The following JAK1 variants were observed in gnomAD, a reference collection of about 807,000 sequenced individuals.
JAK1 encodes tyrosine-protein kinase JAK1.
Under a neutral mutation model 136.6 loss-of-function variants are expected in JAK1, and 16 were observed. That is an observed-to-expected ratio of 0.12 (90% CI 0.08 to 0.18). JAK1 has a LOEUF of 0.18. Among genes scored for constraint, JAK1 ranks in the 10% least tolerant of loss-of-function variants. The pLI, the probability that JAK1 is intolerant of heterozygous loss-of-function variation, is 1.00. For synonymous variants in JAK1, 492 were observed against 519.5 expected (o/e 0.95, Z 0.72); for missense variants, 859 against 1,450.1 (o/e 0.59, Z 6.62).
intron 11 of JAK1, among the ~76,000 whole-genome samples, chr1:64,852,322 C>T (rs2101036682): frequency 6.6e-6 from 1 of 152,288 alleles, no homozygotes; most frequent in South Asian, 2.1e-4. Context: ...GTCAGAGATG[C>T]TCTCGTCTCT....
chr1:64,891,236 C>G (rs974525492), intron 1 of JAK1, among the ~76,000 whole-genome samples: 1 of 152,124 alleles, frequency 6.6e-6, no homozygotes, highest in African/African-American at 2.4e-5. Context: ...AGAGGTTTTA[C>G]GCTAATCAGC....
intron 1 of JAK1, among the ~76,000 whole-genome samples, chr1:64,951,760 G>A (rs1244187399): frequency 7.3e-6 from 1 of 136,508 alleles, no homozygotes; most frequent in African/African-American, 2.7e-5. Context: ...CCGGGTTCAC[G>A]CCATTCTCCT....
At chr1:64,878,221 T>G (rs1355293402) in intron 4 of JAK1, among the ~76,000 whole-genome samples, 2 of 152,212 alleles carry the variant, frequency 1.3e-5, no homozygotes, top group Non-Finnish European at 2.9e-5. Flanking sequence ...CACATTAACT[T>G]CTGCTTAGCA....
At chr1:64,850,031 A>C (rs1400594236) in intron 12 of JAK1, among the ~76,000 whole-genome samples, 1 of 152,192 alleles carries the variant, frequency 6.6e-6, no homozygotes, top group Non-Finnish European at 1.5e-5. Context: ...AGGCTCCTTC[A>C]CAGCAGGCAG....
At chr1:64,871,196 G>A (rs182160136) in intron 5 of JAK1, among the ~76,000 whole-genome samples, 1 of 152,086 alleles carries the variant, frequency 6.6e-6, no homozygotes, top group Non-Finnish European at 1.5e-5. Flanking sequence ...TGTCTCTATG[G>A]CAGTTCTAAG....
At chr1:64,851,672 T>C (rs1402137038) in intron 11 of JAK1, among the ~76,000 whole-genome samples, 1 of 152,126 alleles carries the variant, frequency 6.6e-6, no homozygotes, top group Non-Finnish European at 1.5e-5. Context: ...TCCATAGAAA[T>C]CACCTTTCCC....
At position 64,891,499 on chromosome 1, in the gene JAK1, T is replaced by C. The variant is rs1186539201; in HGVS notation, c.-77-5158A>G. ...CCTTCCCTGTGTTCCTGCCCACTAC[T>C]AATGCTCTGCCCTGGCACCACTGCC... is the stretch of plus-strand genomic sequence containing the variant. On this transcript the variant is annotated intron_variant, in intron 1 of 24. Transcript: ENST00000342505. Among the ~76,000 whole-genome samples the C allele has an allele frequency of 2.0e-5, 3 of 152,186 alleles. No homozygotes were observed. In the East Asian group the frequency reaches 5.8e-4, roughly 29 times the overall value.
intron 8 of JAK1, 48 bp downstream of exon 8, chr1:64,864,739 C>T: frequency 7.3e-7 from 1 of 1,375,408 alleles, no homozygotes; most frequent in Non-Finnish European, 1.0e-6. Flanking sequence ...CAGCAATTCT[C>T]CCTCTCATCA....
chr1:64,988,477 C>A (rs1409009602), intron 2 of JAK1, among the ~76,000 whole-genome samples: 1 of 151,926 alleles, frequency 6.6e-6, no homozygotes, highest in African/African-American at 2.4e-5. Context: ...AAGCTCCTGT[C>A]CCCCCCATAG....
intron 1 of JAK1, among the ~76,000 whole-genome samples, chr1:64,960,929 C>T (rs1415819414): frequency 6.6e-6 from 1 of 152,164 alleles, no homozygotes; most frequent in African/African-American, 2.4e-5. Flanking sequence ...CCTCAAATTG[C>T]TAGCTTGTTG....
upstream of JAK1, among the ~76,000 whole-genome samples, chr1:64,967,201 T>A (rs989928957): frequency 6.6e-6 from 1 of 152,356 alleles, no homozygotes; most frequent in South Asian, 2.1e-4. Flanking sequence ...ATTAAGTCTT[T>A]AGTGTCTTAA....
chr1:64,971,643 C>CT (rs1406181315), intron 2 of JAK1, among the ~76,000 whole-genome samples: 2 of 151,962 alleles, frequency 1.3e-5, no homozygotes, highest in African/African-American at 4.8e-5. Flanking sequence ...ACTGCAAACT[C>CT]TGCCTCCCGA....
At chr1:65,066,316 A>G (rs369546924) in intron 1 of JAK1, among the ~76,000 whole-genome samples, 5 of 152,310 alleles carry the variant, frequency 3.3e-5, no homozygotes, top group African/African-American at 1.2e-4. Flanking sequence ...GGACCAGCAC[A>G]AATTACAGCA....
Position 64,860,826 on chromosome 1 carries a change from C to CTGTGTGTGTGTGTGTGTGTG in JAK1, c.1177-584_1177-565dup, listed in dbSNP as rs72032330. On this transcript the variant is annotated intron_variant, in intron 8 of 24. Coordinates refer to ENST00000342505, the MANE Select transcript of JAK1 (RefSeq NM_002227.4). ...TATTATCTCAAACTATCAGATGACT[C>CTGTGTGTGTGTGTGTGTGTG]TGTGTGTGTGTGTGTGTGTGTGTGT... 6.7e-4 allele frequency among the ~76,000 whole-genome samples: 81 copies of CTGTGTGTGTGTGTGTGTGTG among 120,598 alleles called. 3 individuals are homozygous for CTGTGTGTGTGTGTGTGTGTG. Among genetic ancestry groups the CTGTGTGTGTGTGTGTGTGTG allele is most frequent in the Middle Eastern group, 4.1e-3 (1 of 242 alleles). 79.1% of individuals were successfully genotyped at this position (120,598 alleles called of 152,430 possible).
intron 1 of JAK1, among the ~76,000 whole-genome samples, chr1:64,950,949 G>A (rs1458993411): frequency 1.3e-5 from 2 of 152,118 alleles, no homozygotes; most frequent in African/African-American, 4.8e-5. Flanking sequence ...TCAGAAGGAG[G>A]TATTCTCAGG....
In JAK1 at chr1:64,845,582, T is replaced by C. The variant is rs761472948; in HGVS notation, c.2046A>G (p.Lys682=). ...TCCATGGTGTGGTAAGGACATCGCT[T>C]TTCCGGTGCATGAAGAGATCCAGAG... The part of the protein sequence containing the change: ...GGPLDLFMHR[K]SDVLTTPWKF... The change falls in exon 15 of 25, where the codon AAA becomes AAG. Residue 682 remains lysine (K), a synonymous_variant. Coordinates refer to ENST00000342505, the MANE Select transcript of JAK1 (RefSeq NM_002227.4). 6.2e-7 allele frequency: 1 copy of C among 1,614,146 alleles called. No homozygotes were observed. The highest frequency in any genetic ancestry group is 8.5e-7 in the Non-Finnish European group (1 of 1,180,030).
Position 65,032,320 on chromosome 1 carries a change from G to A in JAK1, c.-78+12160C>T, listed in dbSNP as rs868261250. Among the ~76,000 whole-genome samples, 16 of 152,252 alleles carry A rather than the reference G, an allele frequency of 1.1e-4. No homozygotes were observed. In the South Asian group the frequency reaches 1.9e-3, roughly 18 times the overall value. Reference sequence around the variant, plus strand: ...TTGCAAATCAAGATAAGAAACTCAGGAGAGTTCCAGAATGCACAGTGCTAA... The same window carrying A: ...TTGCAAATCAAGATAAGAAACTCAGAAGAGTTCCAGAATGCACAGTGCTAA... On this transcript the variant is annotated intron_variant, in intron 2 of 25. Transcript: ENST00000671954.
intron 2 of JAK1, among the ~76,000 whole-genome samples, chr1:65,036,784 A>C (rs548945574): frequency 1.1e-4 from 16 of 152,256 alleles, no homozygotes; most frequent in Non-Finnish European, 1.6e-4. Context: ...AATAAATTGT[A>C]CTATGTCCAT....
rs1017136989 is a variant in JAK1 at position 64,846,312 on chromosome 1, C to T, written c.1987+337G>A. On this transcript the variant is annotated intron_variant, in intron 14 of 24. Transcript: ENST00000342505. Reference sequence around the variant, plus strand: ...CCAGCGTCTTGCTGCTTGTGGGGTGCGCTCACCTCGCTCACCTGCCCAGAG... The same window carrying T: ...CCAGCGTCTTGCTGCTTGTGGGGTGTGCTCACCTCGCTCACCTGCCCAGAG... Among the ~76,000 whole-genome samples the T allele has an allele frequency of 2.6e-5, 4 of 152,102 alleles. No individual in the cohort carries two copies. In the East Asian group the frequency reaches 5.9e-4, roughly 22 times the overall value.
Sources: allele counts gnomAD v4.1 joint callset (sites outside exome capture counted in the v4.1 genomes callset), GRCh38; gene constraint gnomAD v4.1.1; transcripts MANE v1.5; gene names NCBI Gene and HGNC (gene_info 2026-07-23, HGNC 2026-07-21).